The following GRIN3A variants were observed in gnomAD, a reference collection of about 807,000 sequenced individuals.
The protein encoded by GRIN3A is glutamate ionotropic receptor NMDA type subunit 3A, also known as glutamate receptor ionotropic, NMDA 3A.
A neutral mutation model predicts 92.4 loss-of-function variants in GRIN3A; 47 were observed. The ratio of observed to expected loss-of-function variants is 0.51; its 90% confidence interval spans 0.40 to 0.65. The LOEUF is 0.65. Ranked by LOEUF, GRIN3A falls within the 30% of genes least tolerant of loss-of-function variation. The pLI, the probability that GRIN3A is intolerant of heterozygous loss-of-function variation, is 0.00. For missense variants in GRIN3A, 1,324 were observed against 1,393.1 expected, an observed-to-expected ratio of 0.95 and a Z score of 0.79; for synonymous variants, 527 against 540.6, an observed-to-expected ratio of 0.97 and a Z score of 0.35.
intron 6 of GRIN3A, among the ~76,000 whole-genome samples, chr9:101,596,204 T>C (rs1179504421): frequency 6.6e-6 from 1 of 152,204 alleles, no homozygotes; most frequent in African/African-American, 2.4e-5. Flanking sequence ...CTAGCAAAAC[T>C]AAGCCACTGA....
intron 3 of GRIN3A, among the ~76,000 whole-genome samples, chr9:101,662,989 T>C (rs1172792774): frequency 1.3e-5 from 2 of 151,866 alleles, no homozygotes; most frequent in Admixed American, 1.3e-4. Flanking sequence ...AAATGGTTTA[T>C]CTAGAATGTC....
chr9:101,667,653 AG>A (rs5899455), intron 3 of GRIN3A, among the ~76,000 whole-genome samples: 50,766 of 151,830 alleles, frequency 0.33, 9,399 homozygotes, highest in Non-Finnish European at 0.41. Context: ...AGGAGAGAAA[AG>A]CACTCATGTG....
At chr9:101,654,322 A>G (rs1231718173) in intron 3 of GRIN3A, among the ~76,000 whole-genome samples, 2 of 151,364 alleles carry the variant, frequency 1.3e-5, no homozygotes, top group South Asian at 2.1e-4. Context: ...TCAAATATAC[A>G]TAAGTACTAT....
At chr9:101,587,916 TTTTATTTA>T (rs537190845) in intron 6 of GRIN3A, among the ~76,000 whole-genome samples, 57 of 152,142 alleles carry the variant, frequency 3.7e-4, no homozygotes, top group African/African-American at 1.2e-3. Flanking sequence ...CTGGTATCTA[TTTTATTTA>T]TTTATTTATT....
intron 6 of GRIN3A, among the ~76,000 whole-genome samples, chr9:101,589,078 C>T (rs186723176): frequency 1.3e-5 from 2 of 152,130 alleles, no homozygotes; most frequent in Admixed American, 1.3e-4. Flanking sequence ...TCAAATGATT[C>T]TCCTGTTTCT....
chr9:101,606,895 A>G (rs1828290608), intron 6 of GRIN3A, among the ~76,000 whole-genome samples: 1 of 150,218 alleles, frequency 6.7e-6, no homozygotes, highest in South Asian at 2.1e-4. Flanking sequence ...TGGGGAGTTG[A>G]AAAAAATTAC....
intron 1 of GRIN3A, among the ~76,000 whole-genome samples, chr9:101,689,357 C>G (rs1191769134): frequency 6.6e-6 from 1 of 152,098 alleles, no homozygotes; most frequent in Non-Finnish European, 1.5e-5. Context: ...TTAAGAGTCA[C>G]GGATGAAATT....
intron 1 of GRIN3A, among the ~76,000 whole-genome samples, chr9:101,725,738 C>T (rs1310064720): frequency 6.6e-6 from 1 of 152,108 alleles, no homozygotes; most frequent in African/African-American, 2.4e-5. Flanking sequence ...AGAATAGTCC[C>T]CTTATTCAAC....
chr9:101,723,008 A>C (rs933393393), intron 1 of GRIN3A, among the ~76,000 whole-genome samples: 7 of 152,154 alleles, frequency 4.6e-5, no homozygotes, highest in South Asian at 2.1e-4. Flanking sequence ...CTGTGTCCCC[A>C]CCCAAATCTC....
At chr9:101,697,033 A>G (rs1329631087) in intron 1 of GRIN3A, among the ~76,000 whole-genome samples, 1 of 152,170 alleles carries the variant, frequency 6.6e-6, no homozygotes, top group African/African-American at 2.4e-5. Context: ...TAATTTCATA[A>G]TTATTAAATC....
chr9:101,737,039 T>C (rs1041424240), intron 1 of GRIN3A, among the ~76,000 whole-genome samples: 4 of 152,138 alleles, frequency 2.6e-5, no homozygotes, highest in African/African-American at 9.7e-5. Flanking sequence ...TCCCCACTTC[T>C]TTCCTTCCAG....
intron 1 of GRIN3A, among the ~76,000 whole-genome samples, chr9:101,725,050 T>C (rs1420518720): frequency 6.6e-6 from 1 of 152,206 alleles, no homozygotes; most frequent in African/African-American, 2.4e-5. Flanking sequence ...CTAGATAATT[T>C]AATACAGTTT....
chr9:101,684,455 C>A (rs1336063123), intron 2 of GRIN3A, among the ~76,000 whole-genome samples: 1 of 151,884 alleles, frequency 6.6e-6, no homozygotes, highest in Non-Finnish European at 1.5e-5. Context: ...CTACTATAGG[C>A]TAGGCATTGG....
intron 3 of GRIN3A, among the ~76,000 whole-genome samples, chr9:101,667,089 T>C (rs1295224267): frequency 6.6e-6 from 1 of 152,020 alleles, no homozygotes; most frequent in Non-Finnish European, 1.5e-5. Flanking sequence ...ACTTGGATCT[T>C]ATCTCCTTCC....
chr9:101,735,577 C>T lies in GRIN3A; in HGVS notation c.699+1704G>A, dbSNP rs146864478. The stretch of plus-strand genomic sequence containing the variant: ...AAATTCTTGCTACTTAAGACTCTTG[C>T]CAAACAATCTACAAATGAAAAGGAG... On this transcript the variant is annotated intron_variant, in intron 1 of 8. Transcript: ENST00000361820. Among the ~76,000 whole-genome samples, 14 of 151,952 alleles carry T rather than the reference C, an allele frequency of 9.2e-5. No individual in the cohort carries two copies. The East Asian group carries it at 2.7e-3, about 29-fold the overall frequency.
intron 1 of GRIN3A, among the ~76,000 whole-genome samples, chr9:101,725,864 C>G (rs1830077333): frequency 6.6e-6 from 1 of 152,206 alleles, no homozygotes. Context: ...TCATTCTCTG[C>G]TCAAATGCCA....
chr9:101,657,716 C>G (rs1354568950), intron 3 of GRIN3A, among the ~76,000 whole-genome samples: 3 of 151,878 alleles, frequency 2.0e-5, no homozygotes, highest in African/African-American at 7.3e-5. Context: ...CTGAGACTGA[C>G]AGCATGCCAC....
At chr9:101,634,208 C>G (rs2118888992) in intron 3 of GRIN3A, among the ~76,000 whole-genome samples, 1 of 151,680 alleles carries the variant, frequency 6.6e-6, no homozygotes, top group East Asian at 2.0e-4. Context: ...TGGCGGGTGC[C>G]TGTAGTCCCA....
chr9:101,695,968 T>C (rs1829679262), intron 1 of GRIN3A, among the ~76,000 whole-genome samples: 1 of 152,178 alleles, frequency 6.6e-6, no homozygotes, highest in African/African-American at 2.4e-5. Flanking sequence ...TCACTGTGCC[T>C]ACCTTCATTA....
Sources: gnomAD v4.1 joint callset for allele counts (sites outside exome capture counted in the v4.1 genomes callset) on GRCh38, gnomAD v4.1.1 for gene constraint, MANE v1.5 for transcripts, NCBI Gene and HGNC (gene_info 2026-07-23, HGNC 2026-07-21) for gene names.